Variants in TRPM7 observed in about 807,000 individuals in gnomAD.
TRPM7 encodes the protein LTRPC ion channel family member 7.
In TRPM7, 134 loss-of-function variants were observed where a neutral mutation model predicts 229.7. That is an observed-to-expected ratio of 0.58 (90% CI 0.51 to 0.67). TRPM7 has a LOEUF of 0.67. Ranked by LOEUF, TRPM7 falls within the 30% of genes least tolerant of loss-of-function variation. TRPM7 has a pLI of 0.00. For synonymous variants in TRPM7, 699 were observed against 715.2 expected (o/e 0.98, Z 0.36); for missense variants, 1,901 against 2,210.0 (o/e 0.86, Z 2.80).
chr15:50,654,369 C>T (rs1250196206), intron 3 of TRPM7, among the ~76,000 whole-genome samples: 1 of 151,126 alleles, frequency 6.6e-6, no homozygotes, highest in Non-Finnish European at 1.5e-5. Flanking sequence ...ATTGCTTGAA[C>T]CCGGGAGGCA....
At chr15:50,655,071 A>AGGGT (rs1596315122) in intron 3 of TRPM7, among the ~76,000 whole-genome samples, 1 of 140,684 alleles carries the variant, frequency 7.1e-6, no homozygotes, top group East Asian at 2.1e-4. Context: ...TGTAGAAATA[A>AGGGT]GAGTGAACCT....
At chr15:50,662,283 G>C (rs557449255) in intron 2 of TRPM7, among the ~76,000 whole-genome samples, 2 of 151,436 alleles carry the variant, frequency 1.3e-5, no homozygotes, top group Admixed American at 6.6e-5. Flanking sequence ...AACCCTGGAG[G>C]GAGCTTGTAC....
intron 1 of TRPM7, among the ~76,000 whole-genome samples, chr15:50,683,906 G>A (rs2062298918): frequency 6.6e-6 from 1 of 151,898 alleles, no homozygotes; most frequent in African/African-American, 2.4e-5. Flanking sequence ...CTCTCACCCA[G>A]GCTGGAGTGA....
intron 1 of TRPM7, among the ~76,000 whole-genome samples, chr15:50,667,813 C>A (rs1350963662): frequency 6.6e-6 from 1 of 152,132 alleles, no homozygotes; most frequent in Non-Finnish European, 1.5e-5. Flanking sequence ...ATGCACTAGT[C>A]CAACAGTGAA....
chr15:50,666,082 G>T (rs958524723), intron 1 of TRPM7, among the ~76,000 whole-genome samples: 1 of 152,028 alleles, frequency 6.6e-6, no homozygotes, highest in Non-Finnish European at 1.5e-5. Flanking sequence ...TCAAAGGAAA[G>T]AAATAAAATT....
intron 21 of TRPM7, among the ~76,000 whole-genome samples, chr15:50,602,041 C>T (rs2059795143): frequency 6.6e-6 from 1 of 151,286 alleles, no homozygotes; most frequent in Non-Finnish European, 1.5e-5. Context: ...GGGTATATAC[C>T]CAAAGGATTA....
At chr15:50,574,532 A>T (rs1337947063) in intron 35 of TRPM7, 53 bp from the exon 36 acceptor site, 12 of 1,559,876 alleles carry the variant, frequency 7.7e-6, no homozygotes, top group Non-Finnish European at 1.1e-5. Context: ...TAAAATTCTA[A>T]TTGATCTACA....
chr15:50,615,315 G>C (rs1265620351), intron 13 of TRPM7, among the ~76,000 whole-genome samples: 1 of 151,740 alleles, frequency 6.6e-6, no homozygotes, highest in Non-Finnish European at 1.5e-5. Context: ...TACATGTTAA[G>C]TATTTTTTTA....
At chr15:50,667,733 AAAT>A (rs1472552081) in intron 1 of TRPM7, among the ~76,000 whole-genome samples, 4 of 152,194 alleles carry the variant, frequency 2.6e-5, no homozygotes, top group Non-Finnish European at 5.9e-5. Context: ...TTTAAATAAG[AAAT>A]AATAAAATAA....
intron 13 of TRPM7, among the ~76,000 whole-genome samples, chr15:50,618,269 C>A (rs1438906786): frequency 6.6e-6 from 1 of 152,036 alleles, no homozygotes; most frequent in Admixed American, 6.6e-5. Flanking sequence ...ACCACCAATA[C>A]TAGATGTTTT....
Position 50,686,726 on chromosome 15 carries a change from G to C in TRPM7, c.-193C>G. On this transcript the variant is annotated 5_prime_UTR_variant, in exon 1 of 39. Coordinates refer to ENST00000646667, the MANE Select transcript of TRPM7 (RefSeq NM_017672.6). Reference sequence around the variant, plus strand: ...GAAGCCGAGTCTTTCATAATTGTGCGACCAACTCCTCCGGGTGACTGGCCA... The same window carrying C: ...GAAGCCGAGTCTTTCATAATTGTGCCACCAACTCCTCCGGGTGACTGGCCA... The C allele has an allele frequency of 1.5e-6, 1 of 684,452 alleles. No individual in the cohort carries two copies. The highest frequency in any genetic ancestry group is 2.3e-6 in the Non-Finnish European group (1 of 434,640). The allele number at this position is 684,452 out of a possible 1,614,324, so 42.4% of individuals were successfully genotyped here.
At chr15:50,628,029 A>G (rs1433553935) in intron 11 of TRPM7, 120 bp downstream of exon 11, 8 of 708,368 alleles carry the variant, frequency 1.1e-5, no homozygotes, top group East Asian at 8.0e-5. Flanking sequence ...ATACTTAGCT[A>G]AACTATTTTT....
In TRPM7 at chr15:50,574,653, T is replaced by C. The variant is rs758741534; in HGVS notation, c.5086A>G (p.Ile1696Val). The change falls in exon 35 of 39, where the codon ATA (isoleucine) becomes GTA (valine). Residue 1696 changes from isoleucine (I) to valine (V), a missense_variant. By Grantham distance (29) the Ile-to-Val change is conservative (BLOSUM62 3). Transcript: ENST00000646667. Reference sequence around the variant, plus strand: ...AAGATTTACCTTGGAGAATATGGTATGGATTTGGGTTTCATTTGATTAAAG... The same window carrying C: ...AAGATTTACCTTGGAGAATATGGTACGGATTTGGGTTTCATTTGATTAAAG... ...FAFNQMKPKS[I>V]PYSPRFLEVF... The C allele has an allele frequency of 6.2e-7, 1 of 1,613,394 alleles. No homozygotes were observed. The highest frequency in any genetic ancestry group is 2.2e-5 in the East Asian group (1 of 44,834).
intron 1 of TRPM7, among the ~76,000 whole-genome samples, chr15:50,682,899 C>CT (rs11437624): frequency 0.14 from 20,446 of 143,218 alleles, 1,459 homozygotes; most frequent in Middle Eastern, 0.19. Context: ...CGGTACCAAA[C>CT]TTTTTTTTTT....
At chr15:50,606,894 T>A (rs2059931626) in intron 20 of TRPM7, among the ~76,000 whole-genome samples, 1 of 152,074 alleles carries the variant, frequency 6.6e-6, no homozygotes, top group African/African-American at 2.4e-5. Context: ...TTTTGAAGAG[T>A]GACAGAGAGC....
At chr15:50,655,360 G>T (rs769214270) in intron 3 of TRPM7, among the ~76,000 whole-genome samples, 14 of 150,578 alleles carry the variant, frequency 9.3e-5, no homozygotes, top group Non-Finnish European at 1.5e-4. Flanking sequence ...TTGAACCTGG[G>T]AGGCAGAGGT....
intron 22 of TRPM7, among the ~76,000 whole-genome samples, chr15:50,598,246 T>C (rs1028418449): frequency 1.2e-4 from 19 of 152,164 alleles, no homozygotes; most frequent in Admixed American, 7.9e-4. Flanking sequence ...AATGTGGAAG[T>C]CAGCAGAATA....
chr15:50,606,213 T>C (rs1335727008), intron 20 of TRPM7, among the ~76,000 whole-genome samples: 2 of 152,046 alleles, frequency 1.3e-5, no homozygotes, highest in African/African-American at 4.8e-5. Flanking sequence ...ACCACATCTC[T>C]ACTAAAAATA....
intron 1 of TRPM7, among the ~76,000 whole-genome samples, chr15:50,674,414 G>A (rs1386433632): frequency 6.6e-6 from 1 of 152,210 alleles, no homozygotes; most frequent in Non-Finnish European, 1.5e-5. Flanking sequence ...TTACAGGGGT[G>A]AGCCGTGGCA....
Sources: allele counts gnomAD v4.1 joint callset (sites outside exome capture counted in the v4.1 genomes callset), GRCh38; gene constraint gnomAD v4.1.1; transcripts MANE v1.5; gene names NCBI Gene and HGNC (gene_info 2026-07-23, HGNC 2026-07-21).